WWOX: variants seen among roughly 807,000 people sequenced by gnomAD.
The protein encoded by WWOX is WW domain containing oxidoreductase.
In WWOX, 69 loss-of-function variants were observed where a neutral mutation model predicts 46.2. That is an observed-to-expected ratio of 1.49 (90% CI 1.23 to 1.82). The LOEUF (loss-of-function observed/expected upper bound fraction) is 1.82, where lower values mean the gene tolerates loss of function less well. WWOX is among the 40% of genes most tolerant of loss of function. WWOX has a pLI of 0.00. For missense variants in WWOX, 919 were observed against 542.6 expected (o/e 1.69, Z -6.89); for synonymous variants, 359 against 202.6 (o/e 1.77, Z -6.56).
At chr16:78,480,462 T>C (rs111721018) in intron 8 of WWOX, among the ~76,000 whole-genome samples, 2,132 of 152,346 alleles carry the variant, frequency 0.014, 50 homozygotes, top group African/African-American at 0.049. Context: ...TATTTACATG[T>C]ACTGTCCTTT....
At chr16:78,863,244 C>T (rs544414352) in intron 8 of WWOX, among the ~76,000 whole-genome samples, 3 of 152,262 alleles carry the variant, frequency 2.0e-5, no homozygotes, top group South Asian at 2.1e-4. Context: ...AGGCGTGAGC[C>T]ACCACTCCCA....
chr16:78,724,528 T>C (rs958455787), intron 8 of WWOX, among the ~76,000 whole-genome samples: 2 of 152,210 alleles, frequency 1.3e-5, no homozygotes, highest in African/African-American at 4.8e-5. Context: ...TTATCGACAT[T>C]ATTACAGTCC....
chr16:78,415,216 A>G (rs1430078368), intron 6 of WWOX, among the ~76,000 whole-genome samples: 2 of 151,902 alleles, frequency 1.3e-5, no homozygotes, highest in Non-Finnish European at 2.9e-5. Flanking sequence ...TTTTTAGACC[A>G]TATAGGGTAA....
intron 5 of WWOX, among the ~76,000 whole-genome samples, chr16:78,380,745 C>G (rs1567537768): frequency 6.6e-6 from 1 of 152,174 alleles, no homozygotes; most frequent in Non-Finnish European, 1.5e-5. Context: ...ATTACTCCCA[C>G]TTCACAGAGG....
intron 8 of WWOX, among the ~76,000 whole-genome samples, chr16:78,568,396 T>G (rs2044627065): frequency 6.6e-6 from 1 of 151,942 alleles, no homozygotes; most frequent in African/African-American, 2.4e-5. Flanking sequence ...TCACTTTGAG[T>G]TATTACCAAG....
At chr16:78,908,537 C>A (rs902180788) in intron 8 of WWOX, among the ~76,000 whole-genome samples, 2 of 34,978 alleles carry the variant, frequency 5.7e-5, no homozygotes, top group East Asian at 2.1e-3. Flanking sequence ...GAAACTCTGT[C>A]TCGGAAAAAA....
intron 5 of WWOX, among the ~76,000 whole-genome samples, chr16:78,181,669 A>AT (rs1044534299): frequency 6.6e-6 from 1 of 152,008 alleles, no homozygotes; most frequent in Non-Finnish European, 1.5e-5. Flanking sequence ...ACCAGATAAT[A>AT]TTTTTTTCTT....
chr16:78,881,733 T>A (rs1472797119), intron 8 of WWOX, among the ~76,000 whole-genome samples: 2 of 152,246 alleles, frequency 1.3e-5, no homozygotes, highest in Non-Finnish European at 2.9e-5. Context: ...GAATGATCAA[T>A]GATTTTCTTT....
chr16:78,640,912 C>T (rs1244688929), intron 8 of WWOX, among the ~76,000 whole-genome samples: 1 of 140,652 alleles, frequency 7.1e-6, no homozygotes, highest in Non-Finnish European at 1.5e-5. Context: ...GCACTCCAGT[C>T]TGGGTGACAG....
chr16:78,154,748 C>A (rs1275746553), intron 4 of WWOX, among the ~76,000 whole-genome samples: 2 of 152,104 alleles, frequency 1.3e-5, no homozygotes, highest in African/African-American at 4.8e-5. Flanking sequence ...AATAGTCTCA[C>A]ACTTGACATA....
intron 4 of WWOX, among the ~76,000 whole-genome samples, chr16:78,147,675 C>CTTTTTTT (rs33931881): frequency 2.2e-5 from 2 of 90,636 alleles, no homozygotes; most frequent in African/African-American, 4.6e-5. Context: ...TTCTTTCTTC[C>CTTTTTTT]TTTTTTTTTT....
chr16:78,173,755 A>C (rs139851542), intron 5 of WWOX, among the ~76,000 whole-genome samples: 1 of 152,214 alleles, frequency 6.6e-6, no homozygotes, highest in Admixed American at 6.5e-5. Context: ...TGTTGGAGCA[A>C]TATTTCTTCT....
At chr16:79,085,385 G>T (rs1352372768) in intron 8 of WWOX, among the ~76,000 whole-genome samples, 1 of 152,164 alleles carries the variant, frequency 6.6e-6, no homozygotes, top group Non-Finnish European at 1.5e-5. Context: ...TCACTCTTCT[G>T]GGAGGTTCCC....
chr16:78,665,564 T>A (rs1457553185), intron 8 of WWOX, among the ~76,000 whole-genome samples: 1 of 152,096 alleles, frequency 6.6e-6, no homozygotes, highest in Non-Finnish European at 1.5e-5. Flanking sequence ...ATAATCTCCT[T>A]TCCCTCTACC....
chr16:78,397,375 A>G (rs376006107), intron 6 of WWOX, among the ~76,000 whole-genome samples: 4 of 152,308 alleles, frequency 2.6e-5, no homozygotes, highest in African/African-American at 7.2e-5. Flanking sequence ...TATCCTTATA[A>G]TGACTCTAAG....
Position 78,337,781 on chromosome 16 carries a change from A to G in WWOX, c.517-49079A>G, listed in dbSNP as rs1265258015. 4.8e-5 allele frequency among the ~76,000 whole-genome samples: 6 copies of G among 124,082 alleles called. 2 individuals carry two copies. The highest frequency in any genetic ancestry group is 7.8e-5 in the Non-Finnish European group (4 of 51,424). The allele number at this position is 124,082 out of a possible 152,430, so 81.4% of individuals were successfully genotyped here. On this transcript the variant is annotated intron_variant, in intron 5 of 8. Transcript: ENST00000566780. ...ACTCCAAGATGCCTCCAGCAATTAT[A>G]ATTGAATCTTGAAGCTAGAGTTTCT...
intron 8 of WWOX, among the ~76,000 whole-genome samples, chr16:78,817,843 G>T (rs566506933): frequency 6.6e-6 from 1 of 152,170 alleles, no homozygotes; most frequent in Non-Finnish European, 1.5e-5. Flanking sequence ...GTTTTCTGAT[G>T]AGGTCAAGCC....
At chr16:78,845,999 G>T (rs2052288779) in intron 8 of WWOX, among the ~76,000 whole-genome samples, 1 of 152,194 alleles carries the variant, frequency 6.6e-6, no homozygotes. Context: ...CCAATTCTAA[G>T]ATGGTAGCGT....
At chr16:78,839,878 A>T (rs1597702485) in intron 8 of WWOX, among the ~76,000 whole-genome samples, 1 of 152,210 alleles carries the variant, frequency 6.6e-6, no homozygotes, top group East Asian at 1.9e-4. Flanking sequence ...TCCCAACCCC[A>T]GGAACTAGCG....
Sources: allele counts gnomAD v4.1 joint callset (sites outside exome capture counted in the v4.1 genomes callset), GRCh38; gene constraint gnomAD v4.1.1; transcripts MANE v1.5; gene names NCBI Gene and HGNC (gene_info 2026-07-23, HGNC 2026-07-21).